The following ATPAF2 variants were observed in gnomAD, a reference collection of about 807,000 sequenced individuals.
The protein encoded by ATPAF2 is ATP synthase mitochondrial F1 complex assembly factor 2, also known as ATP12 homolog.
In ATPAF2, 30 loss-of-function variants were observed where a neutral mutation model predicts 36.6. That is an observed-to-expected ratio of 0.82 (90% CI 0.61 to 1.11). ATPAF2 has a LOEUF of 1.11. Among genes scored for constraint, ATPAF2 ranks in the 50% most tolerant of loss-of-function variants. The pLI is 0.00. For missense variants in ATPAF2, 321 were observed against 372.3 expected, an observed-to-expected ratio of 0.86 and a Z score of 1.13; for synonymous variants, 140 against 152.6, an observed-to-expected ratio of 0.92 and a Z score of 0.61.
intron 1 of ATPAF2, among the ~76,000 whole-genome samples, chr17:18,037,924 C>T (rs1044586933): frequency 1.2e-4 from 18 of 152,210 alleles, no homozygotes; most frequent in African/African-American, 1.7e-4. Context: ...CTTAAACAAA[C>T]GCCCTTTCAC....
intron 1 of ATPAF2, among the ~76,000 whole-genome samples, chr17:18,034,505 A>G (rs1006252834): frequency 3.3e-5 from 5 of 152,260 alleles, no homozygotes; most frequent in African/African-American, 9.6e-5. Context: ...AACATAATTC[A>G]TCAGAGAAAT....
chr17:18,033,205 C>A (rs1235244291), intron 1 of ATPAF2, among the ~76,000 whole-genome samples: 1 of 151,666 alleles, frequency 6.6e-6, no homozygotes, highest in African/African-American at 2.4e-5. Flanking sequence ...CCTGTCTCTA[C>A]AAAAAATTAA....
intron 1 of ATPAF2, among the ~76,000 whole-genome samples, chr17:18,037,501 T>C (rs550159881): frequency 3.6e-4 from 55 of 152,146 alleles, no homozygotes; most frequent in African/African-American, 1.3e-3. Flanking sequence ...ACAAAATCGC[T>C]TGAATCTGGG....
At chr17:18,026,228 G>A in intron 4 of ATPAF2, 91 bp downstream of exon 4, 1 of 1,237,546 alleles carries the variant, frequency 8.1e-7, no homozygotes, top group Middle Eastern at 1.9e-4. Flanking sequence ...GCAATAAATG[G>A]AGAGGGTTTC....
chr17:18,021,936 C>T (rs539914650), intron 5 of ATPAF2, 79 bp from the exon 6 acceptor site: 2 of 1,258,578 alleles, frequency 1.6e-6, no homozygotes, highest in South Asian at 2.4e-5. Flanking sequence ...GAAACAAAGG[C>T]CTAAGCTTCA....
At chr17:18,023,295 G>A (rs1185812548) in intron 5 of ATPAF2, among the ~76,000 whole-genome samples, 1 of 151,936 alleles carries the variant, frequency 6.6e-6, no homozygotes, top group Non-Finnish European at 1.5e-5. Context: ...GCTGGGCGTG[G>A]TGGGCGCCTG....
downstream of ATPAF2, chr17:18,016,615 A>G (rs779699710): frequency 9.9e-6 from 16 of 1,613,962 alleles, no homozygotes; most frequent in East Asian, 3.1e-4. Context: ...CAATCAGTAC[A>G]TCGACCACAT....
chr17:18,015,940 G>A (rs2044344989), downstream of ATPAF2: 8 of 965,694 alleles, frequency 8.3e-6, no homozygotes, highest in African/African-American at 1.6e-5. Context: ...TACAAAGGTG[G>A]GCTCTGCTCT....
rs183485111 is a variant in ATPAF2, at chr17:18,026,599, G to A, written c.325-183C>T. 1.3e-5 allele frequency: 8 copies of A among 636,008 alleles called. No homozygotes were observed. In the East Asian group the frequency reaches 1.9e-4, roughly 15 times the overall value. 39.4% of individuals were successfully genotyped at this position (636,008 alleles called of 1,614,324 possible). A position where few individuals can be genotyped will look rare whatever the true frequency, so the allele number is the denominator to read the frequency against. On this transcript the variant is annotated intron_variant, in intron 3 of 7. Transcript: ENST00000474627. The stretch of plus-strand genomic sequence containing the variant: ...AGAGTGTGCCACAACCAGGCTCCAT[G>A]CCAAATGCTTTGTGTTGACGCTCAC...
At chr17:18,027,866 G>A in intron 3 of ATPAF2, 1 of 312,234 alleles carries the variant, frequency 3.2e-6, no homozygotes, top group South Asian at 3.0e-5. Context: ...ACCAGGCAGT[G>A]GAAGAGACAG....
At chr17:18,015,165 A>G (rs2044310569), downstream of ATPAF2, 1 of 152,234 alleles carries the variant, frequency 6.6e-6, no homozygotes, top group Non-Finnish European at 1.5e-5. Context: ...GCTTTCCCAA[A>G]TGTATTTGAC....
intron 1 of ATPAF2, among the ~76,000 whole-genome samples, chr17:18,033,457 G>T (rs941543449): frequency 6.6e-6 from 1 of 151,062 alleles, no homozygotes; most frequent in Non-Finnish European, 1.5e-5. Context: ...GAGACCACCA[G>T]AAACCTATGA....
chr17:18,016,685 A>C, downstream of ATPAF2: 3 of 1,559,528 alleles, frequency 1.9e-6, 1 homozygote, highest in South Asian at 3.4e-5. Flanking sequence ...AATGTCAGCC[A>C]CAGGAGCTTC....
At chr17:18,026,155 T>A in intron 4 of ATPAF2, 164 bp downstream of exon 4, 2 of 718,796 alleles carry the variant, frequency 2.8e-6, no homozygotes, top group Non-Finnish European at 5.1e-6. Context: ...CGAGGAGTCC[T>A]CCTCCTAAGG....
At chr17:18,019,418 T>G (rs1017881106) in intron 7 of ATPAF2, among the ~76,000 whole-genome samples, 3 of 152,240 alleles carry the variant, frequency 2.0e-5, no homozygotes, top group Non-Finnish European at 4.4e-5. Context: ...CTCTCCAAGT[T>G]GCCTTGCCAT....
At chr17:18,030,897 T>A (rs1452994645) in intron 1 of ATPAF2, among the ~76,000 whole-genome samples, 5 of 135,618 alleles carry the variant, frequency 3.7e-5, no homozygotes, top group Non-Finnish European at 7.7e-5. Context: ...ATGGTCTTGA[T>A]CTCCTGACCT....
chr17:18,023,974 T>C (rs2044507250), intron 5 of ATPAF2, among the ~76,000 whole-genome samples: 1 of 152,232 alleles, frequency 6.6e-6, no homozygotes, highest in Non-Finnish European at 1.5e-5. Flanking sequence ...TCCTGGAAGC[T>C]ACATATCCAT....
chr17:18,028,126 A>C, intron 3 of ATPAF2, 106 bp downstream of exon 3: 1 of 1,372,670 alleles, frequency 7.3e-7, no homozygotes, highest in Non-Finnish European at 1.0e-6. Flanking sequence ...GGGGCCAGAC[A>C]GGCAAAGGAC....
intron 6 of ATPAF2, 136 bp from the exon 7 acceptor site, chr17:18,021,374 G>A: frequency 1.3e-6 from 1 of 750,552 alleles, no homozygotes; most frequent in Non-Finnish European, 2.4e-6. Flanking sequence ...CCACTCTTCT[G>A]AAAGAGCACT....
Sources: gnomAD v4.1 joint callset for allele counts (sites outside exome capture counted in the v4.1 genomes callset) on GRCh38, gnomAD v4.1.1 for gene constraint, MANE v1.5 for transcripts, NCBI Gene and HGNC (gene_info 2026-07-23, HGNC 2026-07-21) for gene names.